DTNA: variants seen among roughly 807,000 people sequenced by gnomAD.
DTNA encodes dystrophin-related protein 3.
In DTNA, 43 loss-of-function variants were observed where a neutral mutation model predicts 100.7. The observed-to-expected ratio is 0.43, with a 90% confidence interval of 0.33 to 0.55. The LOEUF is 0.55. Ranked by LOEUF, DTNA falls within the 20% of genes least tolerant of loss-of-function variation. DTNA has a pLI of 0.04. For missense variants in DTNA, 798 were observed against 953.9 expected (o/e 0.84, Z 2.15); for synonymous variants, 349 against 347.9 (o/e 1.00, Z -0.04).
intron 1 of DTNA, among the ~76,000 whole-genome samples, chr18:34,687,435 A>G (rs991870307): frequency 7.2e-5 from 11 of 152,152 alleles, no homozygotes; most frequent in African/African-American, 2.2e-4. Flanking sequence ...TTCAGTTTCC[A>G]TGTAGTTGTG....
chr18:34,582,220 C>T (rs1319065554), intron 1 of DTNA, among the ~76,000 whole-genome samples: 2 of 152,086 alleles, frequency 1.3e-5, no homozygotes, highest in Non-Finnish European at 2.9e-5. Flanking sequence ...CACCTTAGCT[C>T]ATTCTTCCAA....
Position 34,890,072 on chromosome 18 carries a change from G to A in DTNA, c.*2338G>A, listed in dbSNP as rs1603373502. On this transcript the variant is annotated 3_prime_UTR_variant, in exon 23 of 23. Transcript: ENST00000444659. The stretch of plus-strand genomic sequence containing the variant: ...ATCCTGCACGTGGCACTCCACCACT[G>A]ACTGGACCGAGCTGGCATATGTTGT... 2.2e-6 allele frequency: 3 copies of A among 1,365,698 alleles called. No homozygotes were observed. The East Asian group carries it at 8.1e-5, about 37-fold the overall frequency. The allele number at this position is 1,365,698 out of a possible 1,614,324, so 84.6% of individuals were successfully genotyped here.
chr18:34,845,958 A>G (rs549024071), intron 13 of DTNA, among the ~76,000 whole-genome samples: 1 of 152,334 alleles, frequency 6.6e-6, no homozygotes, highest in African/African-American at 2.4e-5. Flanking sequence ...TTTATAACAT[A>G]TCACACATGC....
At chr18:34,734,387 A>T (rs925568795) in intron 1 of DTNA, among the ~76,000 whole-genome samples, 3 of 152,146 alleles carry the variant, frequency 2.0e-5, no homozygotes, top group African/African-American at 7.2e-5. Context: ...CAGTGTCCTC[A>T]GTTTCATCAG....
chr18:34,496,638 T>C (rs886198644), intron 1 of DTNA, among the ~76,000 whole-genome samples: 2 of 152,184 alleles, frequency 1.3e-5, no homozygotes, highest in Non-Finnish European at 2.9e-5. Flanking sequence ...CAGAAAGATC[T>C]GTGAGCCCTG....
rs989645130 is a variant in DTNA, at chr18:34,848,318, C to G, written c.1369C>G (p.Leu457Val). ...PSCMLESSNR[L>V]DEEHRLIARY... ...TAGCATGCTTGAGAGTTCAAACCGG[C>G]TTGATGAAGAACACAGGCTAATTGC... Residue 457 changes from leucine to valine, a missense_variant, in exon 14 of 23, where the codon CTT becomes GTT. Physicochemically the swap from Leu to Val is conservative, Grantham distance 32. Around this residue, in one of 6 missense-constraint regions of DTNA, gnomAD observed 159 missense variants for 201.2 expected, o/e 0.79. Transcript: ENST00000444659. The G allele has an allele frequency of 6.2e-7, 1 of 1,614,012 alleles. No homozygotes were observed. The highest frequency in any genetic ancestry group is 1.3e-5 in the African/African-American group (1 of 75,030).
intron 1 of DTNA, among the ~76,000 whole-genome samples, chr18:34,549,319 A>G (rs1414176478): frequency 2.0e-5 from 3 of 152,136 alleles, no homozygotes; most frequent in African/African-American, 7.2e-5. Context: ...TTTACATTAT[A>G]TAAAGCATTT....
chr18:34,702,228 A>G (rs1051601628), intron 1 of DTNA, among the ~76,000 whole-genome samples: 2 of 152,006 alleles, frequency 1.3e-5, no homozygotes, highest in Non-Finnish European at 2.9e-5. Flanking sequence ...CTCAAATGTC[A>G]CTTTCTCAGA....
Position 34,875,331 on chromosome 18 carries a change from C to A in DTNA, c.1836C>A (p.Thr612=), listed in dbSNP as rs759189232. ...TCCGGTCAGCGTCAGCCTGCTCCAC[C>A]CCGACGCACACGCCGCAGGACTCCC... is the stretch of plus-strand genomic sequence containing the variant. ...MPIRSASACS[T]PTHTPQDSLT... is the part of the protein sequence containing the mutation. The change falls in exon 18 of 23, where the codon ACC becomes ACA. Residue 612 remains threonine (T), a synonymous_variant. Coordinates refer to ENST00000444659, the MANE Select transcript of DTNA (RefSeq NM_001386795.1). 1 of 1,614,214 alleles carries A rather than the reference C, an allele frequency of 6.2e-7. No individual in the cohort carries two copies. Among genetic ancestry groups the A allele is most frequent in the Non-Finnish European group, 8.5e-7 (1 of 1,180,044 alleles).
At chr18:34,570,949 CCT>C (rs1365778416) in intron 1 of DTNA, among the ~76,000 whole-genome samples, 1 of 152,144 alleles carries the variant, frequency 6.6e-6, no homozygotes, top group Non-Finnish European at 1.5e-5. Context: ...TTTGTAAGCA[CCT>C]CTGAGTATTT....
rs137872437 is a variant in DTNA at position 34,868,953 on chromosome 18, T to C, written c.1743+4891T>C. The C allele has an allele frequency of 2.7e-3, 564 of 209,026 alleles. 3 individuals are homozygous for C. Among genetic ancestry groups the C allele is most frequent in the African/African-American group, 0.013 (537 of 42,496 alleles). 12.9% of individuals were successfully genotyped at this position (209,026 alleles called of 1,614,324 possible). A position where few individuals can be genotyped will look rare whatever the true frequency, so the allele number is the denominator to read the frequency against. ...TACCAATATGTTCCAGAGTTTCTGG[T>C]ACACTTCCAGTTCCAAATATTATGT... On this transcript the variant is annotated intron_variant, in intron 17 of 22. Coordinates refer to ENST00000444659, the MANE Select transcript of DTNA (RefSeq NM_001386795.1).
chr18:34,671,987 T>A (rs1197930885), intron 1 of DTNA, among the ~76,000 whole-genome samples: 1 of 152,224 alleles, frequency 6.6e-6, no homozygotes, highest in Non-Finnish European at 1.5e-5. Context: ...AAAAGCTAGT[T>A]AGACTAACCT....
At chr18:34,602,726 A>C (rs2052165229) in intron 1 of DTNA, among the ~76,000 whole-genome samples, 2 of 151,882 alleles carry the variant, frequency 1.3e-5, no homozygotes, top group Admixed American at 1.3e-4. Context: ...CAAACAAAAA[A>C]AGAGGCCCGG....
rs1324401647 is a variant in DTNA, at chr18:34,669,362, G to A, written c.-1-86614G>A. Among the ~76,000 whole-genome samples the A allele has an allele frequency of 2.6e-5, 4 of 152,136 alleles. No homozygotes were observed. In the East Asian group the frequency reaches 7.7e-4, roughly 29 times the overall value. ...GTTTCCTGAATACAGTACACTGGTG[G>A]GTCTTGACTCTTTATCCAATTTGCC... is the stretch of plus-strand genomic sequence containing the variant. On this transcript the variant is annotated intron_variant, in intron 1 of 19. Coordinates refer to the DTNA transcript ENST00000283365.
intron 1 of DTNA, among the ~76,000 whole-genome samples, chr18:34,575,747 A>G (rs529257637): frequency 3.3e-5 from 5 of 152,254 alleles, no homozygotes; most frequent in African/African-American, 1.2e-4. Flanking sequence ...TTATCCTTCA[A>G]ATGACTGTAT....
At chr18:34,499,932 T>G (rs1245411965) in intron 1 of DTNA, among the ~76,000 whole-genome samples, 1 of 152,194 alleles carries the variant, frequency 6.6e-6, no homozygotes, top group Non-Finnish European at 1.5e-5. Flanking sequence ...TTACTTATTC[T>G]TTGGAAACAT....
rs752734442 is a variant in DTNA at position 34,882,185 on chromosome 18, A to G, written c.2279A>G (p.Gln760Arg). 2.5e-6 allele frequency: 4 copies of G among 1,613,944 alleles called. No individual in the cohort carries two copies. The highest frequency in any genetic ancestry group is 3.4e-6 in the Non-Finnish European group (4 of 1,179,928). Residue 760 changes from glutamine (Q) to arginine (R), a missense_variant, in exon 21 of 23, where the codon CAA (glutamine) becomes CGA (arginine). This residue lies in a region of DTNA where 242 missense variants were observed against 238.2 expected (regional missense o/e 1.02). Coordinates refer to ENST00000444659, the MANE Select transcript of DTNA (RefSeq NM_001386795.1). ...GAGGAATACCTGAAACAGAAGCTGC[A>G]AGATGAAGCTTATCAGGTACAGGGA... is the stretch of plus-strand genomic sequence containing the variant. ...QMEEYLKQKL[Q>R]DEAYQVSLQG is the part of the protein sequence containing the mutation.
At chr18:34,864,506 G>A (rs1310115167) in intron 17 of DTNA, among the ~76,000 whole-genome samples, 2 of 151,348 alleles carry the variant, frequency 1.3e-5, no homozygotes, top group South Asian at 2.1e-4. Flanking sequence ...GCCCGCCTCG[G>A]CCTCCCAAAG....
At chr18:34,875,697 TA>T (rs2096809102) in intron 18 of DTNA, among the ~76,000 whole-genome samples, 1 of 152,368 alleles carries the variant, frequency 6.6e-6, no homozygotes, top group Non-Finnish European at 1.5e-5. Flanking sequence ...AAATGTAATC[TA>T]TTTTTTTTAA....
Sources: gnomAD v4.1 joint callset for allele counts (sites outside exome capture counted in the v4.1 genomes callset) on GRCh38, gnomAD v4.1.1 for gene constraint, gnomAD v4.1.1 regional missense constraint, MANE v1.5 for transcripts, NCBI Gene and HGNC (gene_info 2026-07-23, HGNC 2026-07-21) for gene names.